ELMO1: variants seen among roughly 807,000 people sequenced by gnomAD.
ELMO1 encodes the protein engulfment and cell motility protein 1.
Under a neutral mutation model 98.9 loss-of-function variants are expected in ELMO1, and 26 were observed. The observed-to-expected ratio is 0.26, with a 90% CI of 0.19 to 0.36. The LOEUF is 0.36. Ranked by LOEUF, ELMO1 falls within the 10% of genes least tolerant of loss-of-function variation. The pLI is 1.00. For missense variants in ELMO1, 627 were observed against 935.2 expected, an observed-to-expected ratio of 0.67 and a Z score of 4.30; for synonymous variants, 346 against 346.0, an observed-to-expected ratio of 1.00 and a Z score of 0.00.
chr7:37,145,491 AAAT>A (rs1787924348), intron 13 of ELMO1, among the ~76,000 whole-genome samples: 1 of 152,242 alleles, frequency 6.6e-6, no homozygotes. Flanking sequence ...TTTCTCACTA[AAAT>A]AATATGTATT....
chr7:37,083,182 G>T (rs1783572798), intron 15 of ELMO1, among the ~76,000 whole-genome samples: 1 of 152,182 alleles, frequency 6.6e-6, no homozygotes, highest in African/African-American at 2.4e-5. Context: ...GGCACTGTGA[G>T]TGGCTCTTGC....
At chr7:37,386,356 G>A (rs1802800660) in intron 1 of ELMO1, among the ~76,000 whole-genome samples, 1 of 152,064 alleles carries the variant, frequency 6.6e-6, no homozygotes, top group African/African-American at 2.4e-5. Context: ...GGAGACCACA[G>A]AGAAAAGGGG....
intron 12 of ELMO1, among the ~76,000 whole-genome samples, chr7:37,212,798 C>A (rs1793053790): frequency 6.6e-6 from 1 of 152,184 alleles, no homozygotes; most frequent in South Asian, 2.1e-4. Context: ...GCAAAGGTCC[C>A]CAAAGCCTTC....
intron 16 of ELMO1, among the ~76,000 whole-genome samples, chr7:36,996,631 G>A (rs1411241596): frequency 1.3e-5 from 2 of 152,200 alleles, no homozygotes; most frequent in Non-Finnish European, 2.9e-5. Context: ...ATAAGTTTCC[G>A]AACTTAGCAT....
At chr7:37,113,829 T>C (rs1270487348) in intron 14 of ELMO1, among the ~76,000 whole-genome samples, 11 of 152,126 alleles carry the variant, frequency 7.2e-5, no homozygotes, top group Non-Finnish European at 1.2e-4. Context: ...CACAGAAGGA[T>C]GGCCATGTGG....
intron 13 of ELMO1, among the ~76,000 whole-genome samples, chr7:37,184,270 T>C (rs991924718): frequency 3.9e-5 from 6 of 152,240 alleles, no homozygotes; most frequent in African/African-American, 1.4e-4. Context: ...GTGCACAAAC[T>C]GCAAACTGTT....
At chr7:37,388,353 A>AT (rs1005834854) in intron 1 of ELMO1, among the ~76,000 whole-genome samples, 18 of 151,820 alleles carry the variant, frequency 1.2e-4, no homozygotes, top group African/African-American at 3.4e-4. Context: ...AAAATACTGC[A>AT]TTTTTTTGTA....
intron 15 of ELMO1, among the ~76,000 whole-genome samples, chr7:37,057,270 A>G (rs1796434831): frequency 6.6e-6 from 1 of 151,640 alleles, no homozygotes; most frequent in Non-Finnish European, 1.5e-5. Context: ...CACAGTTGTC[A>G]TGTGTTTTGA....
chr7:37,116,967 G>T (rs145026107), intron 14 of ELMO1: 3 of 212,956 alleles, frequency 1.4e-5, no homozygotes, highest in African/African-American at 4.6e-5. Context: ...TATTTGGAGA[G>T]GCCCAGTGAG....
intron 5 of ELMO1, among the ~76,000 whole-genome samples, chr7:37,266,485 T>A (rs1470312011): frequency 1.3e-5 from 2 of 152,132 alleles, no homozygotes; most frequent in Non-Finnish European, 2.9e-5. Context: ...AGTAGGGACT[T>A]GATGAGCAGT....
At chr7:36,903,209 C>T (rs1469733796) in intron 16 of ELMO1, among the ~76,000 whole-genome samples, 2 of 152,186 alleles carry the variant, frequency 1.3e-5, no homozygotes, top group Non-Finnish European at 2.9e-5. Flanking sequence ...GCCCTTCCTC[C>T]TATCCATGAC....
At chr7:36,986,888 C>T (rs1791549906) in intron 16 of ELMO1, among the ~76,000 whole-genome samples, 1 of 152,118 alleles carries the variant, frequency 6.6e-6, no homozygotes, top group South Asian at 2.1e-4. Context: ...TGTAAACAAA[C>T]ATAAACAGCC....
At chr7:36,931,832 A>G (rs1786072099) in intron 16 of ELMO1, among the ~76,000 whole-genome samples, 1 of 152,252 alleles carries the variant, frequency 6.6e-6, no homozygotes, top group Non-Finnish European at 1.5e-5. Context: ...GGAGAATGGT[A>G]TTCCCTAGCT....
At chr7:37,116,390 C>T (rs1297649618) in intron 14 of ELMO1, among the ~76,000 whole-genome samples, 1 of 152,024 alleles carries the variant, frequency 6.6e-6, no homozygotes, top group Non-Finnish European at 1.5e-5. Flanking sequence ...TAAAAATGGA[C>T]AATATGGGCT....
chr7:37,251,739 G>A (rs528701044), intron 6 of ELMO1, among the ~76,000 whole-genome samples: 2 of 152,246 alleles, frequency 1.3e-5, no homozygotes, highest in Admixed American at 6.5e-5. Context: ...AGGGCAATCA[G>A]GCAAGAAAAA....
chr7:37,201,294 G>A (rs1176016544), intron 13 of ELMO1, among the ~76,000 whole-genome samples: 2 of 152,138 alleles, frequency 1.3e-5, no homozygotes, highest in Admixed American at 6.5e-5. Flanking sequence ...TTTAATAATG[G>A]GACAGTACTT....
chr7:37,188,498 A>AAAAT (rs1791372896), intron 13 of ELMO1, among the ~76,000 whole-genome samples: 1 of 42,460 alleles, frequency 2.4e-5, no homozygotes, highest in East Asian at 5.6e-4. Flanking sequence ...AAAAAAAAAA[A>AAAAT]AAAAATAATA....
intron 1 of ELMO1, among the ~76,000 whole-genome samples, chr7:37,408,677 A>C (rs992648390): frequency 6.6e-6 from 1 of 152,330 alleles, no homozygotes; most frequent in African/African-American, 2.4e-5. Flanking sequence ...CCCATGCTGC[A>C]TGGTTATACT....
At chr7:37,002,214 A>C (rs531521815) in intron 16 of ELMO1, 55 of 152,382 alleles carry the variant, frequency 3.6e-4, no homozygotes, top group African/African-American at 1.3e-3. Flanking sequence ...GTAAAAGTGC[A>C]AAAGCCCAGC....
Sources: gnomAD v4.1 joint callset for allele counts (sites outside exome capture counted in the v4.1 genomes callset) on GRCh38, gnomAD v4.1.1 for gene constraint, MANE v1.5 for transcripts, NCBI Gene and HGNC (gene_info 2026-07-23, HGNC 2026-07-21) for gene names.